ESR1: variants seen among roughly 807,000 people sequenced by gnomAD.
ESR1 encodes the protein estrogen receptor 1.
A neutral mutation model predicts 52.7 loss-of-function variants in ESR1; 12 were observed. The ratio of observed to expected loss-of-function variants is 0.23; its 90% CI spans 0.15 to 0.37. The LOEUF is 0.37. ESR1 is among the 10% of genes least tolerant of loss of function. The pLI is 1.00. For missense variants in ESR1, 584 were observed against 779.7 expected, an observed-to-expected ratio of 0.75 and a Z score of 2.99; for synonymous variants, 305 against 316.8, an observed-to-expected ratio of 0.96 and a Z score of 0.39.
At chr6:151,896,937 C>A (rs1291203620) in intron 3 of ESR1, among the ~76,000 whole-genome samples, 1 of 152,114 alleles carries the variant, frequency 6.6e-6, no homozygotes, top group East Asian at 1.9e-4. Flanking sequence ...TCATTGTTGA[C>A]CCAATGATCA....
chr6:151,830,195 G>A (rs745772115), intron 1 of ESR1, among the ~76,000 whole-genome samples: 3 of 152,144 alleles, frequency 2.0e-5, no homozygotes, highest in Non-Finnish European at 4.4e-5. Flanking sequence ...TTTCCCAAGG[G>A]CCAAAGTCTT....
At chr6:151,933,365 G>C (rs1336200332) in intron 3 of ESR1, among the ~76,000 whole-genome samples, 2 of 150,918 alleles carry the variant, frequency 1.3e-5, no homozygotes, top group Non-Finnish European at 2.9e-5. Flanking sequence ...CTGAGACAAT[G>C]GGGTTTTCTA....
chr6:151,986,326 G>A (rs1169639871), intron 4 of ESR1, among the ~76,000 whole-genome samples: 5 of 152,076 alleles, frequency 3.3e-5, no homozygotes, highest in South Asian at 2.1e-4. Flanking sequence ...GTTAGATAAA[G>A]GCATTGTTGC....
intron 1 of ESR1, among the ~76,000 whole-genome samples, chr6:151,812,415 T>C (rs1030708083): frequency 6.6e-6 from 1 of 152,190 alleles, no homozygotes. Context: ...AGTAAAATCT[T>C]TATCACCATC....
intron 2 of ESR1, among the ~76,000 whole-genome samples, chr6:151,735,598 C>T (rs1782584862): frequency 6.6e-6 from 1 of 151,534 alleles, no homozygotes; most frequent in South Asian, 2.1e-4. Context: ...TTTAGGGGTA[C>T]AAGTGGCTTT....
chr6:151,666,584 T>C (rs1777830069), intron 1 of ESR1, among the ~76,000 whole-genome samples: 1 of 152,218 alleles, frequency 6.6e-6, no homozygotes, highest in Non-Finnish European at 1.5e-5. Context: ...TTCAAAGTAC[T>C]GGAGCTTCTG....
At chr6:151,673,827 A>G (rs970553457) in intron 1 of ESR1, among the ~76,000 whole-genome samples, 3 of 152,120 alleles carry the variant, frequency 2.0e-5, no homozygotes, top group African/African-American at 7.2e-5. Context: ...GGTTGCAGTG[A>G]GCCATGATTA....
intron 2 of ESR1, among the ~76,000 whole-genome samples, chr6:151,738,305 A>C (rs1407655701): frequency 6.6e-6 from 1 of 152,216 alleles, no homozygotes; most frequent in Non-Finnish European, 1.5e-5. Flanking sequence ...GGCTATTGTG[A>C]ATAGTGCTAG....
At chr6:151,985,904 G>A (rs1001702216) in intron 4 of ESR1, among the ~76,000 whole-genome samples, 18 of 152,028 alleles carry the variant, frequency 1.2e-4, no homozygotes, top group Non-Finnish European at 2.4e-4. Context: ...CCTGACCTCA[G>A]GTGATCCACC....
intron 2 of ESR1, among the ~76,000 whole-genome samples, chr6:151,736,352 ATACT>A (rs1339970200): frequency 7.1e-6 from 1 of 140,552 alleles, no homozygotes; most frequent in African/African-American, 2.8e-5. Flanking sequence ...AAAACAATAA[ATACT>A]TACTGTATTC....
chr6:151,677,711 T>C (rs575691916), intron 1 of ESR1, among the ~76,000 whole-genome samples: 13 of 152,272 alleles, frequency 8.5e-5, no homozygotes, highest in Non-Finnish European at 8.8e-5. Flanking sequence ...CTTTGGCCTG[T>C]GCTTCTTAGT....
At chr6:151,727,225 A>G (rs892470385) in intron 2 of ESR1, among the ~76,000 whole-genome samples, 1 of 151,026 alleles carries the variant, frequency 6.6e-6, no homozygotes. Context: ...TTTTTGAGAC[A>G]GAGTCTTGCT....
chr6:151,779,440 G>T (rs1163561092), intron 2 of ESR1, among the ~76,000 whole-genome samples: 2 of 152,022 alleles, frequency 1.3e-5, no homozygotes, highest in Non-Finnish European at 2.9e-5. Context: ...CATTATCACT[G>T]GTCATTAGAG....
intron 6 of ESR1, among the ~76,000 whole-genome samples, chr6:152,080,302 A>AC (rs140646696): frequency 0.21 from 32,049 of 152,046 alleles, 4,771 homozygotes; most frequent in African/African-American, 0.41. Context: ...CTCAGCAGAA[A>AC]CCCTACAAGC....
At chr6:151,885,506 G>C (rs1321833112) in intron 3 of ESR1, among the ~76,000 whole-genome samples, 1 of 152,192 alleles carries the variant, frequency 6.6e-6, no homozygotes, top group African/African-American at 2.4e-5. Context: ...CCTCAAACTT[G>C]CTGAACAACC....
chr6:152,080,888 A>G (rs937646815), intron 6 of ESR1, among the ~76,000 whole-genome samples: 3 of 152,198 alleles, frequency 2.0e-5, no homozygotes, highest in African/African-American at 7.2e-5. Context: ...ACAAAGATCA[A>G]AAGAGACAAA....
intron 5 of ESR1, among the ~76,000 whole-genome samples, chr6:152,033,677 G>C (rs1017053294): frequency 3.3e-5 from 5 of 152,116 alleles, no homozygotes; most frequent in African/African-American, 1.2e-4. Context: ...GAAATAGGAA[G>C]ACTTTTACAC....
chr6:151,866,759 G>C (rs551946674), intron 2 of ESR1, among the ~76,000 whole-genome samples: 134 of 152,278 alleles, frequency 8.8e-4, no homozygotes, highest in African/African-American at 2.9e-3. Flanking sequence ...TCAAGTCTTT[G>C]CTATTGTGAA....
chr6:151,900,732 G>T (rs1345686807), intron 3 of ESR1, among the ~76,000 whole-genome samples: 1 of 152,190 alleles, frequency 6.6e-6, no homozygotes, highest in Non-Finnish European at 1.5e-5. Context: ...TAGCCATTCA[G>T]CAGGGCTACC....
Sources: gnomAD v4.1 joint callset for allele counts (sites outside exome capture counted in the v4.1 genomes callset) on GRCh38, gnomAD v4.1.1 for gene constraint, MANE v1.5 for transcripts, NCBI Gene and HGNC (gene_info 2026-07-23, HGNC 2026-07-21) for gene names.